The following ICE1 variants were observed in gnomAD, a reference collection of about 807,000 sequenced individuals.
ICE1 encodes interactor of little elongation complex ELL subunit 1.
Under a neutral mutation model 192.7 loss-of-function variants are expected in ICE1, and 64 were observed. The observed-to-expected ratio is 0.33, with a 90% confidence interval of 0.27 to 0.41. The LOEUF is 0.41. Ranked by LOEUF, ICE1 falls within the 10% of genes least tolerant of loss-of-function variation. The probability of loss-of-function intolerance (pLI) is 1.00; values close to 1 mark genes in which losing one functional copy is unlikely to be tolerated. For missense variants in ICE1, 2,708 were observed against 2,696.0 expected (o/e 1.00, Z -0.10); for synonymous variants, 1,010 against 984.5 (o/e 1.03, Z -0.49).
chr5:5,462,713 G>A lies in ICE1; in HGVS notation c.3379G>A (p.Asp1127Asn). 6.2e-7 allele frequency: 1 copy of A among 1,613,846 alleles called. No homozygotes were observed. Among genetic ancestry groups the A allele is most frequent in the East Asian group, 2.2e-5 (1 of 44,884 alleles). ...GGGGAGCGAACAGCAAGATGCTCCT[G>A]ATGACTCACAGAAAAATTTAGGAGA... ...SEGSEQQDAPDDSQKNLGDTD... is the reference protein window; with the variant it reads ...SEGSEQQDAPNDSQKNLGDTD... The change falls in exon 13 of 19, where the codon GAT becomes AAT. Residue 1127 changes from aspartate (D) to asparagine (N), a missense_variant. Transcript: ENST00000296564.
intron 1 of ICE1, among the ~76,000 whole-genome samples, chr5:5,428,034 G>C (rs546003193): frequency 1.3e-5 from 2 of 152,192 alleles, no homozygotes; most frequent in South Asian, 2.1e-4. Context: ...AAAAGATGGA[G>C]GGAGAGTGTT....
chr5:5,450,412 G>A (rs1168256317), intron 10 of ICE1, among the ~76,000 whole-genome samples: 1 of 152,168 alleles, frequency 6.6e-6, no homozygotes, highest in Non-Finnish European at 1.5e-5. Flanking sequence ...AGATATTAGA[G>A]AAAATAACAA....
At chr5:5,459,124 C>T (rs1217665588) in intron 12 of ICE1, among the ~76,000 whole-genome samples, 6 of 152,146 alleles carry the variant, frequency 3.9e-5, no homozygotes, top group Non-Finnish European at 8.8e-5. Context: ...CTGCCTGCCT[C>T]GGCCTCCCAA....
In ICE1 at chr5:5,461,950, T is replaced by C. The variant is rs1738799998; in HGVS notation, c.2616T>C (p.Ser872=). The C allele has an allele frequency of 1.2e-6, 2 of 1,613,736 alleles. No individual in the cohort carries two copies. Among genetic ancestry groups the C allele is most frequent in the African/African-American group, 2.7e-5 (2 of 74,910 alleles). ...TKQTRPEKVQ[S]AKLEHLRPHR... Reference sequence around the variant, plus strand: ...AGACAAGACCTGAAAAGGTTCAGAGTGCCAAATTGGAACACTTGAGGCCAC... The same window carrying C: ...AGACAAGACCTGAAAAGGTTCAGAGCGCCAAATTGGAACACTTGAGGCCAC... Residue 872 remains serine, a synonymous_variant, in exon 13 of 19, where the codon AGT becomes AGC. Transcript: ENST00000296564.
chr5:5,468,731 C>G, intron 14 of ICE1, 97 bp from the exon 15 acceptor site: 1 of 710,344 alleles, frequency 1.4e-6, no homozygotes, highest in South Asian at 3.1e-5. Context: ...AGGATGCCTG[C>G]AAGGCACCAG....
At chr5:5,459,444 C>T (rs906299346) in intron 12 of ICE1, among the ~76,000 whole-genome samples, 3 of 152,144 alleles carry the variant, frequency 2.0e-5, no homozygotes, top group African/African-American at 7.2e-5. Context: ...GGTGCACAGA[C>T]GTTCAGGACC....
In ICE1 at chr5:5,464,488, G is replaced by A. The variant is rs369831559; in HGVS notation, c.5154G>A (p.Ala1718=). The A allele has an allele frequency of 4.5e-5, 72 of 1,613,772 alleles. No individual in the cohort carries two copies. Among genetic ancestry groups the A allele is most frequent in the Non-Finnish European group, 5.8e-5 (68 of 1,179,880 alleles). Residue 1718 remains alanine (A), a synonymous_variant, in exon 13 of 19, where the codon GCG becomes GCA. Coordinates refer to ENST00000296564, the MANE Select transcript of ICE1 (RefSeq NM_015325.3). The surrounding 1 kb of genome is among the most constrained non-coding windows in gnomAD (Gnocchi z 4.0). ...RVVPSPLQFC[A]ATPKHALPVP... is the part of the protein sequence containing the mutation. Reference sequence around the variant, plus strand: ...TGCCGTCTCCTCTGCAGTTCTGTGCGGCCACGCCGAAGCACGCACTTCCTG... The same window carrying A: ...TGCCGTCTCCTCTGCAGTTCTGTGCAGCCACGCCGAAGCACGCACTTCCTG...
Position 5,463,859 on chromosome 5 carries a change from C to A in ICE1, c.4525C>A (p.Arg1509Ser). The A allele has an allele frequency of 6.2e-7, 1 of 1,613,874 alleles. No homozygotes were observed. The highest frequency in any genetic ancestry group is 8.5e-7 in the Non-Finnish European group (1 of 1,179,864). The change falls in exon 13 of 19, where the codon CGT becomes AGT. Residue 1509 changes from arginine (R) to serine (S), a missense_variant. Arg to Ser is a moderately radical substitution (Grantham distance 110). This residue lies in a region of ICE1 where 2,366 missense variants were observed against 2,276.6 expected (regional missense o/e 1.04). Coordinates refer to ENST00000296564, the MANE Select transcript of ICE1 (RefSeq NM_015325.3). ...SGQSTNFDKS[R>S]LRNRPVKPSI... ...TCAGAGCACCAACTTTGATAAGAGT[C>A]GTTTGCGAAATAGACCCGTTAAGCC... is the stretch of plus-strand genomic sequence containing the variant.
chr5:5,467,487 C>G (rs1739022033), intron 14 of ICE1, among the ~76,000 whole-genome samples: 1 of 152,200 alleles, frequency 6.6e-6, no homozygotes, highest in Non-Finnish European at 1.5e-5. Context: ...TCCCTCAACT[C>G]TTGTGTTTCA....
chr5:5,477,414 C>A (rs968616926), intron 17 of ICE1, among the ~76,000 whole-genome samples: 4 of 152,110 alleles, frequency 2.6e-5, no homozygotes, highest in Admixed American at 1.3e-4. Flanking sequence ...CCTGGACACA[C>A]ACACTCTCCC....
rs778213798 is a variant in ICE1 at position 5,461,881 on chromosome 5, C to G, written c.2547C>G (p.Thr849=). 2 of 1,613,716 alleles carry G rather than the reference C, an allele frequency of 1.2e-6. No homozygotes were observed. The highest frequency in any genetic ancestry group is 2.2e-5 in the East Asian group (1 of 44,888). The change falls in exon 13 of 19, where the codon ACC becomes ACG. Residue 849 remains threonine (T), a synonymous_variant. Coordinates refer to ENST00000296564, the MANE Select transcript of ICE1 (RefSeq NM_015325.3). ...ATAACAATCCTGTAGAATTCAAGAC[C>G]ACTGCATCGGTGTTGCCTAATCAAG... ...RENNNPVEFK[T]TASVLPNQVS... is the part of the protein sequence containing the mutation.
intron 11 of ICE1, among the ~76,000 whole-genome samples, chr5:5,455,315 G>T (rs1738552195): frequency 6.6e-6 from 1 of 152,188 alleles, no homozygotes; most frequent in South Asian, 2.1e-4. Context: ...AACTTGTCGA[G>T]TGTACGGAGG....
In ICE1 at chr5:5,461,754, C is replaced by A. The variant is rs1224365030; in HGVS notation, c.2420C>A (p.Ala807Asp). ...LRKGGEESLRAKSEHEQKTSH... is the reference protein window; with the variant it reads ...LRKGGEESLRDKSEHEQKTSH... ...AAAGGTGGCGAAGAAAGTCTGAGAG[C>A]CAAATCAGAACATGAACAGAAGACT... Residue 807 changes from alanine to aspartate, a missense_variant, in exon 13 of 19, where the codon GCC becomes GAC. Transcript: ENST00000296564. 6.2e-6 allele frequency: 10 copies of A among 1,613,510 alleles called. No individual in the cohort carries two copies. The highest frequency in any genetic ancestry group is 8.5e-6 in the Non-Finnish European group (10 of 1,179,760).
intron 11 of ICE1, 110 bp downstream of exon 11, chr5:5,454,748 T>C: frequency 1.5e-6 from 1 of 678,390 alleles, no homozygotes; most frequent in Non-Finnish European, 2.5e-6. Context: ...ATTGAAAGAA[T>C]GAAGTAAACT....
At chr5:5,433,196 C>T (rs1047655360) in intron 1 of ICE1, among the ~76,000 whole-genome samples, 1 of 152,172 alleles carries the variant, frequency 6.6e-6, no homozygotes, top group South Asian at 2.1e-4. Context: ...AGTACACCTG[C>T]CCCAAGGGTC....
rs763354437 is a variant in ICE1, at chr5:5,463,893, G to A, written c.4559G>A (p.Trp1520Ter). Reference sequence around the variant, plus strand: ...AATAGACCCGTTAAGCCTAGTATATGGATTAGTTCTCAAATCTATGATCAA... The same window carrying A: ...AATAGACCCGTTAAGCCTAGTATATAGATTAGTTCTCAAATCTATGATCAA... ...LRNRPVKPSI[W>*]ISSQIYDQNF... The change falls in exon 13 of 19, where the codon TGG (tryptophan) becomes TAG (stop). Residue 1520 changes from tryptophan (W) to a stop codon, truncating the protein, a stop_gained. Coordinates refer to ENST00000296564, the MANE Select transcript of ICE1 (RefSeq NM_015325.3). LOFTEE classifies it high-confidence loss of function. The A allele has an allele frequency of 6.2e-7, 1 of 1,611,532 alleles. No individual in the cohort carries two copies. The highest frequency in any genetic ancestry group is 8.5e-7 in the Non-Finnish European group (1 of 1,177,796).
At chr5:5,485,291 A>G (rs1166962645) in intron 17 of ICE1, among the ~76,000 whole-genome samples, 2 of 152,236 alleles carry the variant, frequency 1.3e-5, no homozygotes, top group Non-Finnish European at 1.5e-5. Flanking sequence ...AAAGATAACT[A>G]TATTTCCAAA....
intron 1 of ICE1, among the ~76,000 whole-genome samples, chr5:5,427,656 T>G (rs1466993046): frequency 6.6e-6 from 1 of 152,232 alleles, no homozygotes; most frequent in Non-Finnish European, 1.5e-5. Context: ...CGTTTGGAAC[T>G]TGAAACATTT....
intron 15 of ICE1, among the ~76,000 whole-genome samples, chr5:5,470,811 A>G (rs1448245680): frequency 6.6e-6 from 1 of 152,200 alleles, no homozygotes; most frequent in Non-Finnish European, 1.5e-5. Context: ...TGAGATATAC[A>G]TTCTTAGACA....
Sources: allele counts gnomAD v4.1 joint callset (sites outside exome capture counted in the v4.1 genomes callset), GRCh38; gene constraint gnomAD v4.1.1; regional missense constraint gnomAD v4.1.1; non-coding constraint Gnocchi (gnomAD v3.1); transcripts MANE v1.5; gene names NCBI Gene and HGNC (gene_info 2026-07-23, HGNC 2026-07-21).